Variants in PRR16 observed in about 807,000 individuals in gnomAD.
The protein encoded by PRR16 is protein Largen.
In PRR16, 6 loss-of-function variants were observed where a neutral mutation model predicts 18.2. The observed-to-expected ratio is 0.33, with a 90% CI of 0.18 to 0.65. The LOEUF is 0.65. PRR16 is among the 30% of genes least tolerant of loss of function. The pLI is 0.74. For synonymous variants in PRR16, 151 were observed against 147.8 expected, an observed-to-expected ratio of 1.02 and a Z score of -0.16; for missense variants, 412 against 376.6, an observed-to-expected ratio of 1.09 and a Z score of -0.78.
intron 1 of PRR16, among the ~76,000 whole-genome samples, chr5:120,533,335 G>T (rs1428664004): frequency 6.6e-6 from 1 of 152,146 alleles, no homozygotes; most frequent in African/African-American, 2.4e-5. Flanking sequence ...AGCAGACAAC[G>T]ATTCTAGCTC....
At chr5:120,657,520 G>T (rs900322757) in intron 1 of PRR16, among the ~76,000 whole-genome samples, 1 of 151,906 alleles carries the variant, frequency 6.6e-6, no homozygotes, top group Non-Finnish European at 1.5e-5. Context: ...AGAGCTGGTT[G>T]TTAGACATTT....
chr5:120,753,400 C>G, the PRR16 span, among the ~76,000 whole-genome samples: 14 of 151,682 alleles, frequency 9.2e-5, no homozygotes, highest in Admixed American at 9.2e-4. Context: ...CGTAACTGAG[C>G]CAAGAACAAA....
chr5:120,616,874 A>C (rs1417722782), intron 1 of PRR16, among the ~76,000 whole-genome samples: 1 of 152,078 alleles, frequency 6.6e-6, no homozygotes, highest in Non-Finnish European at 1.5e-5. Flanking sequence ...TTATGTTTTC[A>C]CTCACAATAC....
intron 1 of PRR16, among the ~76,000 whole-genome samples, chr5:120,465,459 G>A (rs913494057): frequency 2.0e-5 from 3 of 152,200 alleles, no homozygotes; most frequent in Non-Finnish European, 4.4e-5. Context: ...GTTCTTCCCC[G>A]CTTTTCCTAT....
the PRR16 span, among the ~76,000 whole-genome samples, chr5:120,708,021 T>G: frequency 1.3e-5 from 2 of 152,246 alleles, no homozygotes; most frequent in African/African-American, 4.8e-5. Context: ...TATAATTTTC[T>G]CTGTACAGGA....
At chr5:120,581,747 T>C (rs1753279801) in intron 1 of PRR16, among the ~76,000 whole-genome samples, 1 of 152,172 alleles carries the variant, frequency 6.6e-6, no homozygotes, top group Non-Finnish European at 1.5e-5. Context: ...TCAAAAAACT[T>C]GATTTCTACC....
the PRR16 span, among the ~76,000 whole-genome samples, chr5:120,718,243 GA>G: frequency 1.3e-5 from 2 of 152,104 alleles, no homozygotes; most frequent in African/African-American, 4.8e-5. Context: ...TAATTAAGTG[GA>G]AAAAATCTAT....
chr5:120,574,070 G>C (rs1375380438), intron 1 of PRR16, among the ~76,000 whole-genome samples: 1 of 151,894 alleles, frequency 6.6e-6, no homozygotes, highest in East Asian at 1.9e-4. Context: ...AGCTCTAACT[G>C]TAATGGAAAA....
intron 1 of PRR16, among the ~76,000 whole-genome samples, chr5:120,530,254 A>AATATATATATATAT (rs3047950): frequency 9.0e-4 from 96 of 106,694 alleles, no homozygotes; most frequent in Non-Finnish European, 1.1e-3. Flanking sequence ...AGTGTGTGTA[A>AATATATATATATAT]ATATATATAT....
chr5:120,704,864 A>G, the PRR16 span, among the ~76,000 whole-genome samples: 1 of 152,148 alleles, frequency 6.6e-6, no homozygotes, highest in Admixed American at 6.5e-5. Flanking sequence ...GCATTTTTTC[A>G]CCATATGTGT....
At chr5:120,511,084 C>T (rs1348453389) in intron 1 of PRR16, among the ~76,000 whole-genome samples, 1 of 152,142 alleles carries the variant, frequency 6.6e-6, no homozygotes, top group African/African-American at 2.4e-5. Flanking sequence ...TGAATCAAAG[C>T]AGAATGTCAG....
At chr5:120,791,850 G>T in the PRR16 span, among the ~76,000 whole-genome samples, 1 of 152,006 alleles carries the variant, frequency 6.6e-6, no homozygotes, top group Non-Finnish European at 1.5e-5. Flanking sequence ...ACTTAAATTG[G>T]TTTACACTCT....
the PRR16 span, among the ~76,000 whole-genome samples, chr5:120,693,461 A>G: frequency 2.6e-5 from 4 of 152,248 alleles, no homozygotes; most frequent in African/African-American, 9.6e-5. Flanking sequence ...CTAGACAGCA[A>G]TGCTGAAATG....
chr5:120,701,266 T>G, the PRR16 span, among the ~76,000 whole-genome samples: 4 of 152,178 alleles, frequency 2.6e-5, no homozygotes, highest in African/African-American at 9.7e-5. Flanking sequence ...TGGAGTTTTA[T>G]TTAATGTCGG....
intron 1 of PRR16, among the ~76,000 whole-genome samples, chr5:120,622,667 C>T (rs1449230233): frequency 6.6e-6 from 1 of 151,782 alleles, no homozygotes; most frequent in Non-Finnish European, 1.5e-5. Flanking sequence ...TTAGTAGAGA[C>T]AGAGTTTCAC....
intron 1 of PRR16, among the ~76,000 whole-genome samples, chr5:120,680,145 T>G (rs1756927005): frequency 6.6e-6 from 1 of 152,098 alleles, no homozygotes; most frequent in African/African-American, 2.4e-5. Flanking sequence ...GATGTTAACA[T>G]TTTCTCAGCA....
At chr5:120,680,268 T>C (rs1275017361) in intron 1 of PRR16, among the ~76,000 whole-genome samples, 3 of 152,170 alleles carry the variant, frequency 2.0e-5, no homozygotes, top group African/African-American at 7.2e-5. Context: ...TATTTCCAGG[T>C]ATTAACTAAA....
the PRR16 span, among the ~76,000 whole-genome samples, chr5:120,729,197 A>G: frequency 6.6e-6 from 1 of 152,160 alleles, no homozygotes; most frequent in South Asian, 2.1e-4. Flanking sequence ...GACTTAAGGA[A>G]GGACTCAATA....
intron 1 of PRR16, among the ~76,000 whole-genome samples, chr5:120,614,899 CT>C (rs1754455690): frequency 6.6e-6 from 1 of 152,160 alleles, no homozygotes; most frequent in Admixed American, 6.6e-5. Flanking sequence ...GCTTGCTCTG[CT>C]GCTGTATTGC....
Sources: allele counts gnomAD v4.1 joint callset (sites outside exome capture counted in the v4.1 genomes callset), GRCh38; gene constraint gnomAD v4.1.1; transcripts MANE v1.5; gene names NCBI Gene and HGNC (gene_info 2026-07-23, HGNC 2026-07-21).